SRFBP1: variants seen among roughly 807,000 people sequenced by gnomAD.
The protein encoded by SRFBP1 is serum response factor-binding protein 1.
In SRFBP1, 47 loss-of-function variants were observed where a neutral mutation model predicts 45.5. The observed-to-expected ratio is 1.03, with a 90% confidence interval of 0.82 to 1.32. SRFBP1 has a LOEUF of 1.32. SRFBP1 is among the 40% of genes most tolerant of loss of function. The probability of loss-of-function intolerance (pLI) is 0.00; values close to 1 mark genes in which losing one functional copy is unlikely to be tolerated. For synonymous variants in SRFBP1, 203 were observed against 166.3 expected, an observed-to-expected ratio of 1.22 and a Z score of -1.70; for missense variants, 621 against 484.6, an observed-to-expected ratio of 1.28 and a Z score of -2.64.
downstream of SRFBP1, chr5:122,078,416 C>A (rs77930383): frequency 6.9e-3 from 1,084 of 157,770 alleles, 3 homozygotes; most frequent in Admixed American, 0.011. Context: ...CCCTCTCTCC[C>A]GTCCCTGCCC....
At chr5:122,001,365 A>G (rs1028192171) in intron 4 of SRFBP1, among the ~76,000 whole-genome samples, 96 of 150,038 alleles carry the variant, frequency 6.4e-4, no homozygotes, top group African/African-American at 1.9e-3. Flanking sequence ...CATGATTTCC[A>G]AAATCATGGC....
intron 2 of SRFBP1, among the ~76,000 whole-genome samples, chr5:122,033,745 C>A (rs1333381065): frequency 6.6e-6 from 1 of 151,748 alleles, no homozygotes; most frequent in East Asian, 1.9e-4. Flanking sequence ...ATGTGTGAGC[C>A]CCCACGCCCA....
intron 4 of SRFBP1, among the ~76,000 whole-genome samples, chr5:122,001,518 G>A (rs1383037208): frequency 1.4e-5 from 2 of 143,254 alleles, no homozygotes; most frequent in South Asian, 4.5e-4. Flanking sequence ...GGGGCTGGCA[G>A]TTAAGAAGCC....
At chr5:121,962,209 A>T (rs1160253297) in intron 1 of SRFBP1, 141 bp downstream of exon 1, 2 of 994,740 alleles carry the variant, frequency 2.0e-6, no homozygotes, top group Non-Finnish European at 3.0e-6. Flanking sequence ...CGCAACTTGG[A>T]GTTTGGCAAC....
intron 4 of SRFBP1, among the ~76,000 whole-genome samples, chr5:121,998,662 T>TA (rs11443226): frequency 0.91 from 133,186 of 145,994 alleles, 60,919 homozygotes; most frequent in East Asian, 0.99. Flanking sequence ...ACTTAAAGTA[T>TA]AAAAAAAAAA....
At chr5:122,057,689 T>C (rs150353910) in intron 2 of SRFBP1, among the ~76,000 whole-genome samples, 2 of 152,146 alleles carry the variant, frequency 1.3e-5, no homozygotes, top group Non-Finnish European at 2.9e-5. Context: ...GCAATGTTCA[T>C]TAATGGCTGC....
chr5:122,027,076 C>T lies in SRFBP1; in HGVS notation c.1240C>T (p.Gln414Ter), dbSNP rs778623970. Residue 414 changes from glutamine to a stop codon, truncating the protein, a stop_gained, in exon 8 of 8, where the codon CAA becomes TAA. Transcript: ENST00000339397. LOFTEE classifies it high-confidence loss of function. ...AGCAAGCAGAAGGCGAAAAGAACAGCAATCTAATATTGCTGTGTTTCAGGG... is the reference window on the plus strand; with the variant it reads ...AGCAAGCAGAAGGCGAAAAGAACAGTAATCTAATATTGCTGTGTTTCAGGG... Reference protein sequence around the residue: ...WEASRRRKEQQSNIAVFQGKK... With the variant: ...WEASRRRKEQ 1 of 1,612,458 alleles carries T rather than the reference C, an allele frequency of 6.2e-7. No homozygotes were observed.
chr5:122,077,368 G>T (rs756165322), downstream of SRFBP1: 15 of 1,613,792 alleles, frequency 9.3e-6, no homozygotes, highest in Non-Finnish European at 1.3e-5. The surrounding 1 kb of genome is among the most constrained non-coding windows in gnomAD (Gnocchi z 4.9). Flanking sequence ...ACTGGAAGTA[G>T]CCAGTGCCGT....
At chr5:122,012,710 G>T (rs1184353978) in intron 4 of SRFBP1, among the ~76,000 whole-genome samples, 1 of 152,058 alleles carries the variant, frequency 6.6e-6, no homozygotes, top group Non-Finnish European at 1.5e-5. Flanking sequence ...TGATGTTTAG[G>T]AATGCCTTGA....
chr5:122,066,563 T>C, intron 2 of SRFBP1: 2 of 499,694 alleles, frequency 4.0e-6, no homozygotes, highest in South Asian at 8.8e-5. Context: ...CAAGTAATGA[T>C]GACTTAAGCG....
chr5:121,980,994 AATG>A (rs1404436378), intron 3 of SRFBP1, among the ~76,000 whole-genome samples: 1 of 152,158 alleles, frequency 6.6e-6, no homozygotes, highest in East Asian at 1.9e-4. Context: ...ACTTTGAAGA[AATG>A]ATAACTACTT....
chr5:122,050,920 A>G (rs1435324359), intron 2 of SRFBP1, among the ~76,000 whole-genome samples: 1 of 152,118 alleles, frequency 6.6e-6, no homozygotes, highest in Non-Finnish European at 1.5e-5. Flanking sequence ...ACGCTGTCTT[A>G]TCTGTGTCCT....
At chr5:121,987,118 C>T (rs1183393959) in intron 3 of SRFBP1, among the ~76,000 whole-genome samples, 1 of 151,990 alleles carries the variant, frequency 6.6e-6, no homozygotes, top group Non-Finnish European at 1.5e-5. Flanking sequence ...CTATTATAAT[C>T]CACACAATCC....
intron 2 of SRFBP1, among the ~76,000 whole-genome samples, chr5:122,062,695 T>G (rs1754192885): frequency 1.3e-5 from 2 of 152,006 alleles, no homozygotes; most frequent in Non-Finnish European, 2.9e-5. Context: ...GGATGAATTG[T>G]TTTTGTGGGT....
At chr5:122,077,470 G>A, downstream of SRFBP1, 2 of 1,614,072 alleles carry the variant, frequency 1.2e-6, no homozygotes, top group Non-Finnish European at 1.7e-6. The surrounding 1 kb of genome is among the most constrained non-coding windows in gnomAD (Gnocchi z 4.9). Context: ...TGTAGGGGTT[G>A]TAAGGGTCGT....
At chr5:122,075,628 G>T, downstream of SRFBP1, 1 of 848,340 alleles carries the variant, frequency 1.2e-6, no homozygotes, top group Non-Finnish European at 1.7e-6. Flanking sequence ...TTATATAGTA[G>T]TGACAATCCT....
intron 4 of SRFBP1, among the ~76,000 whole-genome samples, chr5:122,003,161 G>T (rs1032680421): frequency 2.0e-5 from 3 of 151,906 alleles, no homozygotes; most frequent in Non-Finnish European, 4.4e-5. Flanking sequence ...TGGGCAACTT[G>T]GTGAAACCCT....
intron 3 of SRFBP1, among the ~76,000 whole-genome samples, chr5:121,980,905 A>G (rs1752394561): frequency 1.3e-5 from 2 of 152,218 alleles, no homozygotes; most frequent in South Asian, 4.1e-4. Flanking sequence ...CAGCGGATAA[A>G]GTATCCTGAA....
chr5:122,071,162 G>C (rs1475399552), intron 2 of SRFBP1, among the ~76,000 whole-genome samples: 1 of 151,552 alleles, frequency 6.6e-6, no homozygotes, highest in Non-Finnish European at 1.5e-5. Context: ...TTATTAAATA[G>C]TATGTGGCAG....
Sources: gnomAD v4.1 joint callset for allele counts (sites outside exome capture counted in the v4.1 genomes callset) on GRCh38, gnomAD v4.1.1 for gene constraint, Gnocchi (gnomAD v3.1) non-coding constraint, MANE v1.5 for transcripts, NCBI Gene and HGNC (gene_info 2026-07-23, HGNC 2026-07-21) for gene names.